ADAM18: variants seen among roughly 807,000 people sequenced by gnomAD.
The protein encoded by ADAM18 is ADAM metallopeptidase domain 18, also known as disintegrin and metalloproteinase domain-containing protein 18.
Under a neutral mutation model 94.4 loss-of-function variants are expected in ADAM18, and 117 were observed. The observed-to-expected ratio is 1.24, with a 90% CI of 1.07 to 1.45. ADAM18 has a LOEUF of 1.45. ADAM18 is among the 40% of genes most tolerant of loss of function. The pLI, the probability that ADAM18 is intolerant of heterozygous loss-of-function variation, is 0.00. For synonymous variants in ADAM18, 327 were observed against 291.6 expected (o/e 1.12, Z -1.24); for missense variants, 936 against 880.0 (o/e 1.06, Z -0.81).
intron 19 of ADAM18, among the ~76,000 whole-genome samples, chr8:39,726,921 A>G (rs1248118514): frequency 6.6e-6 from 1 of 152,198 alleles, no homozygotes; most frequent in Non-Finnish European, 1.5e-5. Flanking sequence ...ATAATTTAAT[A>G]TTACTTTCAT....
chr8:39,702,532 GGCATCT>G, intron 17 of ADAM18, among the ~76,000 whole-genome samples: 1 of 151,890 alleles, frequency 6.6e-6, no homozygotes, highest in East Asian at 1.9e-4. Context: ...AATTGCTTTT[GGCATCT>G]GCATCATGAA....
At chr8:39,616,266 G>A (rs1237220524) in intron 6 of ADAM18, among the ~76,000 whole-genome samples, 2 of 151,990 alleles carry the variant, frequency 1.3e-5, no homozygotes, top group African/African-American at 4.8e-5. Context: ...CAAGAGTGGT[G>A]GCGTGCACGT....
chr8:39,658,753 G>A (rs971011844), intron 12 of ADAM18, among the ~76,000 whole-genome samples: 1 of 152,276 alleles, frequency 6.6e-6, no homozygotes, highest in Non-Finnish European at 1.5e-5. Flanking sequence ...GTTTACCACT[G>A]CTGAGATTTC....
intron 12 of ADAM18, among the ~76,000 whole-genome samples, chr8:39,652,220 C>T (rs985397714): frequency 2.6e-5 from 4 of 151,960 alleles, no homozygotes; most frequent in Non-Finnish European, 4.4e-5. Flanking sequence ...AACTAAAAAG[C>T]TTCTACACAA....
At chr8:39,606,830 G>A (rs778998812) in intron 3 of ADAM18, among the ~76,000 whole-genome samples, 5 of 152,122 alleles carry the variant, frequency 3.3e-5, no homozygotes, top group African/African-American at 4.8e-5. Flanking sequence ...TGGGTAGGTA[G>A]TGGAAAATTA....
intron 18 of ADAM18, among the ~76,000 whole-genome samples, chr8:39,707,270 C>T (rs896878053): frequency 3.3e-5 from 5 of 152,176 alleles, no homozygotes; most frequent in African/African-American, 9.7e-5. Context: ...TCAGGAGACA[C>T]AGCCTCTCCA....
chr8:39,591,757 G>T (rs1207860759), intron 2 of ADAM18, among the ~76,000 whole-genome samples: 1 of 152,156 alleles, frequency 6.6e-6, no homozygotes, highest in Non-Finnish European at 1.5e-5. Context: ...ATGTAGAATG[G>T]TGAATTCTTT....
At chr8:39,723,600 T>C in intron 18 of ADAM18, 148 bp from the exon 19 acceptor site, 1 of 478,234 alleles carries the variant, frequency 2.1e-6, no homozygotes, top group South Asian at 6.5e-5. Flanking sequence ...TATAGCACTG[T>C]AGTTTGCATT....
intron 17 of ADAM18, among the ~76,000 whole-genome samples, chr8:39,697,125 A>T (rs898497265): frequency 6.6e-6 from 1 of 151,544 alleles, no homozygotes; most frequent in Non-Finnish European, 1.5e-5. Flanking sequence ...TTCTAATAAT[A>T]TTGTAAATGG....
intron 2 of ADAM18, among the ~76,000 whole-genome samples, chr8:39,585,918 G>A (rs1284274252): frequency 6.6e-6 from 1 of 152,110 alleles, no homozygotes; most frequent in African/African-American, 2.4e-5. Flanking sequence ...TAAACTGAAG[G>A]CATTCAGTCT....
chr8:39,678,560 T>G (rs1212492776), intron 15 of ADAM18, among the ~76,000 whole-genome samples: 1 of 152,088 alleles, frequency 6.6e-6, no homozygotes, highest in Non-Finnish European at 1.5e-5. Context: ...TATTGGATAT[T>G]AATACAGAGC....
intron 17 of ADAM18, among the ~76,000 whole-genome samples, chr8:39,702,943 A>C (rs894536083): frequency 6.6e-6 from 1 of 152,042 alleles, no homozygotes; most frequent in East Asian, 1.9e-4. Context: ...TTCTTTTTGC[A>C]TAGGATTGCC....
At chr8:39,646,201 A>C (rs1413051848) in intron 11 of ADAM18, among the ~76,000 whole-genome samples, 1 of 152,150 alleles carries the variant, frequency 6.6e-6, no homozygotes. Context: ...AAGTATTGCT[A>C]TCTGAGACGA....
At chr8:39,641,158 T>G (rs1820226190) in intron 10 of ADAM18, among the ~76,000 whole-genome samples, 1 of 152,148 alleles carries the variant, frequency 6.6e-6, no homozygotes, top group African/African-American at 2.4e-5. Context: ...CATTTAAGTC[T>G]TTAATCCATC....
intron 14 of ADAM18, among the ~76,000 whole-genome samples, chr8:39,669,855 G>C (rs1821104826): frequency 6.6e-6 from 1 of 152,102 alleles, no homozygotes; most frequent in Admixed American, 6.6e-5. Context: ...GTGTCAAATG[G>C]TATTTCTAGT....
chr8:39,619,505 T>G (rs1819544298), intron 6 of ADAM18, among the ~76,000 whole-genome samples: 1 of 152,082 alleles, frequency 6.6e-6, no homozygotes, highest in African/African-American at 2.4e-5. Flanking sequence ...TAGAAATCAA[T>G]TATAAGAGAA....
rs769987976 is a variant in ADAM18, at chr8:39,606,442, T to C, written c.188+80T>C. The C allele has an allele frequency of 3.3e-6, 3 of 899,782 alleles. No homozygotes were observed. In the Admixed American group the frequency reaches 8.7e-5, roughly 26 times the overall value. 55.7% of individuals were successfully genotyped at this position (899,782 alleles called of 1,614,324 possible). ...TTACAGCCTTAAAGTTTTTGTGCAGTATTTAAATTCAGGAATGCTGTATAA... is the reference window on the plus strand; with the variant it reads ...TTACAGCCTTAAAGTTTTTGTGCAGCATTTAAATTCAGGAATGCTGTATAA... On this transcript the variant is annotated intron_variant, in intron 3 of 19. Transcript: ENST00000265707.
At chr8:39,644,355 C>A (rs1820318957) in intron 10 of ADAM18, among the ~76,000 whole-genome samples, 1 of 152,060 alleles carries the variant, frequency 6.6e-6, no homozygotes, top group South Asian at 2.1e-4. Context: ...TACAGTGGTG[C>A]AATCAGCTCA....
At chr8:39,680,593 G>T (rs1341630477) in intron 16 of ADAM18, among the ~76,000 whole-genome samples, 1 of 152,082 alleles carries the variant, frequency 6.6e-6, no homozygotes, top group Non-Finnish European at 1.5e-5. Flanking sequence ...ATTTGTATCT[G>T]ATCAAAATAT....
Sources: allele counts gnomAD v4.1 joint callset (sites outside exome capture counted in the v4.1 genomes callset), GRCh38; gene constraint gnomAD v4.1.1; transcripts MANE v1.5; gene names NCBI Gene and HGNC (gene_info 2026-07-23, HGNC 2026-07-21).